Variants in RAB7A observed in about 807,000 individuals in gnomAD.
RAB7A encodes ras-related protein Rab-7a.
In RAB7A, 2 loss-of-function variants were observed where a neutral mutation model predicts 24.5. The observed-to-expected ratio is 0.08, with a 90% CI of 0.03 to 0.26. The LOEUF is 0.26. RAB7A is among the 10% of genes least tolerant of loss of function. RAB7A has a pLI of 1.00. For synonymous variants in RAB7A, 100 were observed against 95.9 expected (o/e 1.04, Z -0.25); for missense variants, 118 against 255.7 (o/e 0.46, Z 3.67).
chr3:128,764,889 G>A lies in RAB7A; in HGVS notation c.-8-30471G>A, dbSNP rs373929143. On this transcript the variant is annotated intron_variant, in intron 1 of 5. Coordinates refer to ENST00000265062, the MANE Select transcript of RAB7A (RefSeq NM_004637.6). Reference sequence around the variant, plus strand: ...AGTTCCTCAAAGCCACATCATCGCGGTCAAAGTTGTAAGACACGGACAGGT... The same window carrying A: ...AGTTCCTCAAAGCCACATCATCGCGATCAAAGTTGTAAGACACGGACAGGT... The A allele has an allele frequency of 3.9e-4, 560 of 1,444,926 alleles. 4 individuals carry two copies. In the South Asian group the frequency reaches 6.0e-3, roughly 16 times the overall value. 89.5% of individuals were successfully genotyped at this position (1,444,926 alleles called of 1,614,324 possible).
intron 1 of RAB7A, among the ~76,000 whole-genome samples, chr3:128,753,592 G>A (rs554191785): frequency 1.3e-5 from 2 of 152,286 alleles, no homozygotes; most frequent in South Asian, 4.1e-4. Flanking sequence ...GTTTCCCACA[G>A]TTCTGAAGGT....
chr3:128,800,630 A>G (rs1933678588), intron 3 of RAB7A, among the ~76,000 whole-genome samples: 1 of 152,236 alleles, frequency 6.6e-6, no homozygotes. Context: ...GACTGAGGAA[A>G]ACCTGACAAG....
At chr3:128,749,095 C>G (rs932556142) in intron 1 of RAB7A, 1 of 152,214 alleles carries the variant, frequency 6.6e-6, no homozygotes, top group African/African-American at 2.4e-5. Flanking sequence ...GAAGGAAGTT[C>G]TCTGGCTTCA....
At chr3:128,737,825 G>GT (rs56027163) in intron 1 of RAB7A, among the ~76,000 whole-genome samples, 1,592 of 59,366 alleles carry the variant, frequency 0.027, 202 homozygotes, top group South Asian at 0.062. Context: ...TTTTTTTGTA[G>GT]TTTTTTTTTT....
At chr3:128,764,482 CTGT>C in intron 1 of RAB7A, 1 of 780,570 alleles carries the variant, frequency 1.3e-6, no homozygotes. Flanking sequence ...TTCATTATCA[CTGT>C]CTCCCAGGGT....
chr3:128,764,366 G>A (rs777481059), intron 1 of RAB7A: 79 of 631,110 alleles, frequency 1.3e-4, no homozygotes, highest in Non-Finnish European at 2.0e-4. Flanking sequence ...TGGATGTTTT[G>A]GCACAACTTA....
At chr3:128,771,034 A>G (rs932808224) in intron 1 of RAB7A, among the ~76,000 whole-genome samples, 3 of 151,718 alleles carry the variant, frequency 2.0e-5, no homozygotes, top group African/African-American at 7.3e-5. Context: ...CAGTGGTACA[A>G]TCTCAGCTCA....
chr3:128,731,052 C>T (rs1232030454), intron 1 of RAB7A, among the ~76,000 whole-genome samples: 1 of 152,220 alleles, frequency 6.6e-6, no homozygotes, highest in Admixed American at 6.5e-5. Context: ...TCTCTTCTCC[C>T]TCAGCCTTTC....
rs1235949209 is a variant in RAB7A, at chr3:128,813,591, ACACACACACACG to A, written c.*181_*192del. 72 of 603,222 alleles carry A rather than the reference ACACACACACACG, an allele frequency of 1.2e-4. No homozygotes were observed. The highest frequency in any genetic ancestry group is 1.6e-4 in the Non-Finnish European group (52 of 319,574). The allele number at this position is 603,222 out of a possible 1,614,324, so 37.4% of individuals were successfully genotyped here. A position where few individuals can be genotyped will look rare whatever the true frequency, so the allele number is the denominator to read the frequency against. On this transcript the variant is annotated 3_prime_UTR_variant, in exon 6 of 6. Transcript: ENST00000265062. ...GTTACACCCCACATATCTCTCACAC[ACACACACACACG>A]CACACACACACACACAGATCTGACG...
chr3:128,776,917 T>C (rs1933103715), intron 1 of RAB7A, among the ~76,000 whole-genome samples: 1 of 149,838 alleles, frequency 6.7e-6, no homozygotes, highest in South Asian at 2.1e-4. Flanking sequence ...GTGGCTTTAG[T>C]TTGCATTTCC....
chr3:128,728,612 G>A (rs1390659671), intron 1 of RAB7A, among the ~76,000 whole-genome samples: 4 of 152,214 alleles, frequency 2.6e-5, no homozygotes, highest in Non-Finnish European at 4.4e-5. Context: ...ACAGGCATGC[G>A]CCACCATGCC....
At chr3:128,801,574 C>T (rs1238270247) in intron 3 of RAB7A, among the ~76,000 whole-genome samples, 1 of 151,964 alleles carries the variant, frequency 6.6e-6, no homozygotes, top group Non-Finnish European at 1.5e-5. Context: ...AAATGAAGCA[C>T]AATCAATGAA....
At chr3:128,810,333 T>C (rs1197761222) in intron 5 of RAB7A, among the ~76,000 whole-genome samples, 2 of 152,164 alleles carry the variant, frequency 1.3e-5, no homozygotes, top group East Asian at 3.9e-4. Context: ...GAGATTTTGA[T>C]TGGAATTTTT....
At chr3:128,733,259 C>T (rs1045412634) in intron 1 of RAB7A, among the ~76,000 whole-genome samples, 3 of 152,078 alleles carry the variant, frequency 2.0e-5, no homozygotes, top group Non-Finnish European at 2.9e-5. Context: ...GAACTGTAGA[C>T]TAATTTTGCC....
chr3:128,805,068 C>G (rs1933772446), intron 3 of RAB7A, among the ~76,000 whole-genome samples: 1 of 152,182 alleles, frequency 6.6e-6, no homozygotes, highest in African/African-American at 2.4e-5. Context: ...GCGCATATGA[C>G]TAGAACAAGA....
chr3:128,811,256 A>T (rs1239933669), intron 5 of RAB7A, among the ~76,000 whole-genome samples: 1 of 152,124 alleles, frequency 6.6e-6, no homozygotes, highest in Non-Finnish European at 1.5e-5. Context: ...CCTCCTAAGT[A>T]GGTAGGACTA....
rs777086793 is a variant in RAB7A at position 128,795,362 on chromosome 3, T to C, written c.-6T>C. 4 of 1,612,170 alleles carry C rather than the reference T, an allele frequency of 2.5e-6. No individual in the cohort carries two copies. In the South Asian group the frequency reaches 4.4e-5, roughly 18 times the overall value. ...GATTTCTCCTTTTCCCCCTTTAGTTTGAAGGATGACCTCTAGGAAGAAAGT... is the reference window on the plus strand; with the variant it reads ...GATTTCTCCTTTTCCCCCTTTAGTTCGAAGGATGACCTCTAGGAAGAAAGT... On this transcript the variant is annotated splice_region_variant and 5_prime_UTR_variant, in exon 2 of 6. Coordinates refer to ENST00000265062, the MANE Select transcript of RAB7A (RefSeq NM_004637.6).
chr3:128,754,809 A>G (rs1490896500), intron 1 of RAB7A, among the ~76,000 whole-genome samples: 2 of 152,222 alleles, frequency 1.3e-5, no homozygotes, highest in African/African-American at 4.8e-5. Flanking sequence ...ACAAAGCAGG[A>G]CATTATATAT....
intron 1 of RAB7A, chr3:128,748,556 A>G (rs2070644358): frequency 6.6e-6 from 1 of 152,264 alleles, no homozygotes; most frequent in Non-Finnish European, 1.5e-5. Flanking sequence ...AGGACTAGGT[A>G]TGTGGCCATG....
Sources: allele counts gnomAD v4.1 joint callset (sites outside exome capture counted in the v4.1 genomes callset), GRCh38; gene constraint gnomAD v4.1.1; transcripts MANE v1.5; gene names NCBI Gene and HGNC (gene_info 2026-07-23, HGNC 2026-07-21).